The following TENM2 variants were observed in gnomAD, a reference collection of about 807,000 sequenced individuals.
TENM2 encodes the protein teneurin transmembrane protein 2.
Under a neutral mutation model 245.2 loss-of-function variants are expected in TENM2, and 52 were observed. The ratio of observed to expected loss-of-function variants is 0.21; its 90% CI spans 0.17 to 0.27. The LOEUF (loss-of-function observed/expected upper bound fraction) is 0.27. Ranked by LOEUF, TENM2 falls within the 10% of genes least tolerant of loss-of-function variation. TENM2 has a pLI of 1.00. For missense variants in TENM2, 3,046 were observed against 3,666.8 expected (o/e 0.83, Z 4.37); for synonymous variants, 1,363 against 1,438.9 (o/e 0.95, Z 1.19).
Position 167,411,347 on chromosome 5 carries a change from A to G in TENM2, c.502+35874A>G, listed in dbSNP as rs75737845. Among the ~76,000 whole-genome samples the G allele has an allele frequency of 3.9e-5, 6 of 152,280 alleles. No individual in the cohort carries two copies. The East Asian group carries it at 7.7e-4, about 20-fold the overall frequency. On this transcript the variant is annotated intron_variant, in intron 2 of 28. Coordinates refer to ENST00000518659, the Ensembl canonical transcript of TENM2. ...GATCAATTACAAATTCCTTTGCCCAATAAACACATAATATTTGAGAAAGTC... is the reference window on the plus strand; with the variant it reads ...GATCAATTACAAATTCCTTTGCCCAGTAAACACATAATATTTGAGAAAGTC...
chr5:167,642,181 CACTT>C (rs142411637), intron 2 of TENM2, among the ~76,000 whole-genome samples: 5,302 of 151,390 alleles, frequency 0.035, 322 homozygotes, highest in African/African-American at 0.12. Flanking sequence ...TATAAACACT[CACTT>C]ACTGGTGGCT....
At chr5:168,118,226 T>C (rs1795221634) in intron 9 of TENM2, 66 bp from the exon 12 acceptor site, 4 of 1,341,212 alleles carry the variant, frequency 3.0e-6, no homozygotes, top group African/African-American at 2.9e-5. Context: ...TCTACCTCCT[T>C]AGACTGCCAT....
intron 2 of TENM2, among the ~76,000 whole-genome samples, chr5:167,509,901 G>A (rs1769815716): frequency 6.6e-6 from 1 of 152,116 alleles, no homozygotes; most frequent in Non-Finnish European, 1.5e-5. Context: ...AAGCCCATAT[G>A]GTGGGGATAA....
intron 2 of TENM2, among the ~76,000 whole-genome samples, chr5:167,434,612 T>A (rs1434723488): frequency 6.6e-6 from 1 of 152,026 alleles, no homozygotes; most frequent in Non-Finnish European, 1.5e-5. Context: ...ACTTCATACA[T>A]TCATTTAAAA....
intron 2 of TENM2, among the ~76,000 whole-genome samples, chr5:167,841,199 G>C (rs888211136): frequency 6.6e-6 from 1 of 151,964 alleles, no homozygotes; most frequent in African/African-American, 2.4e-5. Flanking sequence ...TGGGATTACA[G>C]GCGCCCACCA....
At chr5:167,244,357 A>G in the TENM2 span, among the ~76,000 whole-genome samples, 1 of 152,172 alleles carries the variant, frequency 6.6e-6, no homozygotes, top group South Asian at 2.1e-4. Flanking sequence ...ACACGTGTTA[A>G]CCTAACTCCC....
chr5:167,593,308 C>A lies in TENM2; in HGVS notation c.502+217835C>A, dbSNP rs539295041. On this transcript the variant is annotated intron_variant, in intron 2 of 28. Transcript: ENST00000518659. ...ATCTGACCCTCTCTGTTCATTTGTG[C>A]TAAGAAAACAATTGTTTTTCTAAAA... Among the ~76,000 whole-genome samples the A allele has an allele frequency of 3.9e-5, 6 of 152,302 alleles. No homozygotes were observed. In the East Asian group the frequency reaches 1.2e-3, roughly 29 times the overall value.
intron 2 of TENM2, among the ~76,000 whole-genome samples, chr5:167,621,110 G>A (rs193127664): frequency 6.6e-6 from 1 of 152,260 alleles, no homozygotes; most frequent in East Asian, 1.9e-4. Flanking sequence ...TATTTAATAA[G>A]TGATGATGTG....
At chr5:167,235,826 T>A in the TENM2 span, among the ~76,000 whole-genome samples, 1 of 152,160 alleles carries the variant, frequency 6.6e-6, no homozygotes, top group East Asian at 1.9e-4. Context: ...ATCAGATCAG[T>A]GGAATACTTT....
At chr5:167,686,492 T>A (rs1757085585) in intron 2 of TENM2, among the ~76,000 whole-genome samples, 1 of 152,148 alleles carries the variant, frequency 6.6e-6, no homozygotes, top group South Asian at 2.1e-4. Context: ...AGTGTCTGCA[T>A]AGTAGTCACT....
At chr5:167,338,004 C>G (rs1285614140) in intron 1 of TENM2, among the ~76,000 whole-genome samples, 3 of 152,146 alleles carry the variant, frequency 2.0e-5, no homozygotes, top group African/African-American at 7.2e-5. Context: ...ATTTGTAATA[C>G]AATCTTGAAA....
chr5:167,555,531 A>T (rs942385295), intron 2 of TENM2, among the ~76,000 whole-genome samples: 3 of 152,118 alleles, frequency 2.0e-5, no homozygotes. Flanking sequence ...ATAAGAAGTC[A>T]TTTTCCACCT....
chr5:167,290,774 A>C (rs1348382926), intron 1 of TENM2, among the ~76,000 whole-genome samples: 1 of 152,136 alleles, frequency 6.6e-6, no homozygotes, highest in Non-Finnish European at 1.5e-5. Context: ...CAAGTCAAAA[A>C]AAAAAAAAAT....
At chr5:168,160,222 G>A (rs1367527115) in intron 12 of TENM2, among the ~76,000 whole-genome samples, 1 of 152,164 alleles carries the variant, frequency 6.6e-6, no homozygotes, top group Non-Finnish European at 1.5e-5. Context: ...ATGTCCCTTG[G>A]TCTTTTCCTA....
the TENM2 span, among the ~76,000 whole-genome samples, chr5:167,192,707 C>T: frequency 6.6e-6 from 1 of 152,026 alleles, no homozygotes; most frequent in Non-Finnish European, 1.5e-5. Flanking sequence ...CAATTCTCCT[C>T]TGTTGATTTT....
At chr5:167,795,641 C>A (rs1379670421) in intron 2 of TENM2, among the ~76,000 whole-genome samples, 1 of 151,882 alleles carries the variant, frequency 6.6e-6, no homozygotes, top group Admixed American at 6.6e-5. Context: ...ACAAGAAGCA[C>A]CAGGAAGGTA....
the TENM2 span, among the ~76,000 whole-genome samples, chr5:167,192,328 T>C: frequency 6.6e-6 from 1 of 152,052 alleles, no homozygotes; most frequent in African/African-American, 2.4e-5. Flanking sequence ...AAGAACTCTC[T>C]ATGTAGGGTA....
At chr5:167,228,513 T>A in the TENM2 span, among the ~76,000 whole-genome samples, 1 of 152,112 alleles carries the variant, frequency 6.6e-6, no homozygotes, top group Non-Finnish European at 1.5e-5. Context: ...TTTTTCTGAA[T>A]TGTCTTTTAT....
intron 9 of TENM2, among the ~76,000 whole-genome samples, chr5:168,105,182 G>A (rs920582432): frequency 2.0e-5 from 3 of 152,194 alleles, no homozygotes; most frequent in African/African-American, 4.8e-5. Flanking sequence ...TGGAACTCAC[G>A]CTGGGAGAGG....
Sources: allele counts gnomAD v4.1 joint callset (sites outside exome capture counted in the v4.1 genomes callset), GRCh38; gene constraint gnomAD v4.1.1; transcripts MANE v1.5; gene names NCBI Gene and HGNC (gene_info 2026-07-23, HGNC 2026-07-21).